PDE4D: variants seen among roughly 807,000 people sequenced by gnomAD.
PDE4D encodes the protein phosphodiesterase 4D.
A neutral mutation model predicts 87.4 loss-of-function variants in PDE4D; 24 were observed. That is an observed-to-expected ratio of 0.27 (90% CI 0.20 to 0.39). PDE4D has a LOEUF of 0.39. Ranked by LOEUF, PDE4D falls within the 10% of genes least tolerant of loss-of-function variation. The pLI is 1.00. For synonymous variants in PDE4D, 384 were observed against 383.2 expected (o/e 1.00, Z -0.02); for missense variants, 714 against 1,041.0 (o/e 0.69, Z 4.32).
chr5:59,181,970 G>A (rs367855274), intron 4 of PDE4D, among the ~76,000 whole-genome samples: 1 of 152,096 alleles, frequency 6.6e-6, no homozygotes, highest in African/African-American at 2.4e-5. Flanking sequence ...GTTGGGGAAA[G>A]CAGCCTGGGA....
intron 2 of PDE4D, among the ~76,000 whole-genome samples, chr5:60,028,363 T>C (rs1485457234): frequency 6.6e-6 from 1 of 152,326 alleles, no homozygotes; most frequent in African/African-American, 2.4e-5. Context: ...CACTGTGCAA[T>C]CTCAACACAC....
intron 11 of PDE4D, among the ~76,000 whole-genome samples, chr5:58,981,451 A>AAGTT (rs1213813212): frequency 1.4e-5 from 2 of 148,096 alleles, no homozygotes; most frequent in Non-Finnish European, 3.0e-5. Context: ...TACTAATATA[A>AAGTT]AGTTAATACC....
At chr5:59,323,023 T>G (rs1774994264) in intron 1 of PDE4D, among the ~76,000 whole-genome samples, 1 of 152,124 alleles carries the variant, frequency 6.6e-6, no homozygotes, top group East Asian at 1.9e-4. Context: ...TGAATTTTGT[T>G]TTTCTCTTGG....
chr5:59,823,234 C>T lies in PDE4D; in HGVS notation c.455+69934G>A, dbSNP rs185778813. On this transcript the variant is annotated intron_variant, in intron 1 of 14. Transcript: ENST00000340635. Reference sequence around the variant, plus strand: ...AATAAAATCAAACTCATGTCCCTTTCGCCCCCTGTTTAATGCCTTCCTGTA... The same window carrying T: ...AATAAAATCAAACTCATGTCCCTTTTGCCCCCTGTTTAATGCCTTCCTGTA... Among the ~76,000 whole-genome samples, 20 of 152,288 alleles carry T rather than the reference C, an allele frequency of 1.3e-4. No individual in the cohort carries two copies. The East Asian group carries it at 2.5e-3, about 19-fold the overall frequency.
At position 59,711,399 on chromosome 5, in the gene PDE4D, T is replaced by TA. The variant is rs552501556; in HGVS notation, c.455+181768dup. ...AACAATGTAAATTAGCTAAAAAAAT[T>TA]AAAAAAAATAATATATCCATTCATT... On this transcript the variant is annotated intron_variant, in intron 1 of 14. Transcript: ENST00000340635. 9.1e-3 allele frequency among the ~76,000 whole-genome samples: 1,387 copies of TA among 152,022 alleles called. 12 individuals carry two copies. Among genetic ancestry groups the TA allele is most frequent in the Non-Finnish European group, 0.011 (764 of 67,902 alleles).
intron 1 of PDE4D, among the ~76,000 whole-genome samples, chr5:59,760,515 T>C (rs1217782748): frequency 6.6e-6 from 1 of 152,160 alleles, no homozygotes; most frequent in Non-Finnish European, 1.5e-5. Context: ...TTCGCTTATA[T>C]ACACGCTGGA....
At chr5:59,446,921 A>G (rs996086164) in intron 1 of PDE4D, among the ~76,000 whole-genome samples, 10 of 152,234 alleles carry the variant, frequency 6.6e-5, no homozygotes, top group Non-Finnish European at 4.4e-5. Flanking sequence ...CATAATTGCT[A>G]AAATGTCTCA....
chr5:59,031,190 A>C (rs971613900), intron 6 of PDE4D, among the ~76,000 whole-genome samples: 7 of 151,988 alleles, frequency 4.6e-5, no homozygotes, highest in African/African-American at 1.7e-4. Flanking sequence ...AAAAATCTAA[A>C]AATAGAACTA....
chr5:59,681,836 G>A (rs1165962812), intron 1 of PDE4D, among the ~76,000 whole-genome samples: 4 of 149,146 alleles, frequency 2.7e-5, no homozygotes, highest in Admixed American at 6.8e-5. Flanking sequence ...GGGAGGTGGA[G>A]GTTGCAGTGA....
intron 6 of PDE4D, among the ~76,000 whole-genome samples, chr5:58,993,840 A>G (rs1254355135): frequency 1.3e-5 from 2 of 152,236 alleles, no homozygotes; most frequent in Non-Finnish European, 2.9e-5. Flanking sequence ...AGGAGAAATA[A>G]GCAAAGAAAA....
At chr5:60,362,029 T>C (rs1208602306) in intron 1 of PDE4D, among the ~76,000 whole-genome samples, 1 of 152,226 alleles carries the variant, frequency 6.6e-6, no homozygotes, top group African/African-American at 2.4e-5. Context: ...CTCTTATCTA[T>C]TTATTAATTC....
chr5:59,105,740 A>G (rs1294091190), intron 5 of PDE4D, among the ~76,000 whole-genome samples: 2 of 152,182 alleles, frequency 1.3e-5, no homozygotes, highest in African/African-American at 4.8e-5. Context: ...AATCTTGTTA[A>G]ATTGCAGATT....
At chr5:59,555,287 A>G (rs1329551169) in intron 1 of PDE4D, among the ~76,000 whole-genome samples, 2 of 152,158 alleles carry the variant, frequency 1.3e-5, no homozygotes, top group African/African-American at 4.8e-5. Flanking sequence ...TGTAAGTGGG[A>G]GCTAAATAAT....
At chr5:59,945,441 T>C (rs1018953658) in intron 3 of PDE4D, among the ~76,000 whole-genome samples, 1 of 152,246 alleles carries the variant, frequency 6.6e-6, no homozygotes, top group Non-Finnish European at 1.5e-5. Context: ...TTTGTGCTGT[T>C]TTCCAAAAGG....
chr5:59,842,732 C>G (rs963500508), intron 1 of PDE4D, among the ~76,000 whole-genome samples: 2 of 151,930 alleles, frequency 1.3e-5, no homozygotes, highest in African/African-American at 4.8e-5. Context: ...TAATATTTTT[C>G]TTTTTAAATG....
intron 1 of PDE4D, among the ~76,000 whole-genome samples, chr5:60,445,130 CAAGT>C (rs1745543866): frequency 6.6e-6 from 1 of 151,992 alleles, no homozygotes; most frequent in African/African-American, 2.4e-5. Flanking sequence ...GGATTAGAAG[CAAGT>C]GAGACCAATG....
intron 1 of PDE4D, among the ~76,000 whole-genome samples, chr5:59,524,409 T>A (rs1463421696): frequency 6.6e-6 from 1 of 152,212 alleles, no homozygotes; most frequent in Non-Finnish European, 1.5e-5. Context: ...GCAAAGAGGC[T>A]GGTGGCATTT....
At chr5:59,179,767 A>G (rs1581222187) in intron 5 of PDE4D, 1 of 319,860 alleles carries the variant, frequency 3.1e-6, no homozygotes, top group Non-Finnish European at 6.1e-6. Context: ...TAGTTTGGAG[A>G]ATATGCTAAT....
intron 2 of PDE4D, among the ~76,000 whole-genome samples, chr5:60,092,388 G>C (rs1775229720): frequency 6.6e-6 from 1 of 152,100 alleles, no homozygotes; most frequent in African/African-American, 2.4e-5. Flanking sequence ...GTATCATAAG[G>C]TGGCAATAGT....
Sources: gnomAD v4.1 joint callset for allele counts (sites outside exome capture counted in the v4.1 genomes callset) on GRCh38, gnomAD v4.1.1 for gene constraint, MANE v1.5 for transcripts, NCBI Gene and HGNC (gene_info 2026-07-23, HGNC 2026-07-21) for gene names.